CC2D2A: variants seen among roughly 807,000 people sequenced by gnomAD.
The protein encoded by CC2D2A is coiled-coil and C2 domain-containing protein 2A.
In CC2D2A, 155 loss-of-function variants were observed where a neutral mutation model predicts 212.9. The ratio of observed to expected loss-of-function variants is 0.73; its 90% CI spans 0.64 to 0.83. The LOEUF (loss-of-function observed/expected upper bound fraction) is 0.83. Among genes scored for constraint, CC2D2A ranks in the 40% least tolerant of loss-of-function variants. The probability of loss-of-function intolerance (pLI) is 0.00; values close to 1 mark genes in which losing one functional copy is unlikely to be tolerated. For synonymous variants in CC2D2A, 667 were observed against 686.5 expected, an observed-to-expected ratio of 0.97 and a Z score of 0.44; for missense variants, 1,856 against 1,956.2, an observed-to-expected ratio of 0.95 and a Z score of 0.97.
chr4:15,562,418 A>G (rs947644892), intron 23 of CC2D2A, among the ~76,000 whole-genome samples: 2 of 152,250 alleles, frequency 1.3e-5, no homozygotes, highest in Non-Finnish European at 2.9e-5. Context: ...TTGGTCCATG[A>G]ACGTTTCTCC....
At chr4:15,512,419 G>T (rs1241115049) in intron 8 of CC2D2A, among the ~76,000 whole-genome samples, 1 of 152,158 alleles carries the variant, frequency 6.6e-6, no homozygotes, top group Non-Finnish European at 1.5e-5. Context: ...GATATACCTT[G>T]AAGACATTAC....
intron 11 of CC2D2A, among the ~76,000 whole-genome samples, chr4:15,524,617 AT>A (rs1349017673): frequency 2.0e-5 from 3 of 149,024 alleles, no homozygotes; most frequent in East Asian, 4.1e-4. Context: ...CGCTCGGCTA[AT>A]TTTTTTGTAT....
chr4:15,501,020 C>A (rs770982280), intron 4 of CC2D2A, among the ~76,000 whole-genome samples: 4 of 152,060 alleles, frequency 2.6e-5, no homozygotes, highest in Non-Finnish European at 4.4e-5. Flanking sequence ...TCTGACTTCC[C>A]GTCTCGTTTT....
chr4:15,581,256 A>G (rs1456693490), intron 30 of CC2D2A, among the ~76,000 whole-genome samples: 3 of 152,242 alleles, frequency 2.0e-5, no homozygotes, highest in African/African-American at 7.2e-5. Context: ...ATAGAAAACA[A>G]TAATAGGGAC....
chr4:15,573,128 T>C (rs965576981), intron 28 of CC2D2A, among the ~76,000 whole-genome samples: 2 of 11,376 alleles, frequency 1.8e-4, no homozygotes, highest in African/African-American at 1.9e-4. Context: ...CTTTGTATCC[T>C]TCAGTCCAAT....
chr4:15,545,443 C>A (rs1311562414), intron 17 of CC2D2A, among the ~76,000 whole-genome samples: 1 of 152,042 alleles, frequency 6.6e-6, no homozygotes, highest in Non-Finnish European at 1.5e-5. Context: ...GCACATAGGA[C>A]CCTGCCTCAG....
intron 8 of CC2D2A, among the ~76,000 whole-genome samples, chr4:15,513,667 T>C (rs1282238325): frequency 6.6e-6 from 1 of 152,204 alleles, no homozygotes; most frequent in Non-Finnish European, 1.5e-5. Context: ...TTTCGCTAGC[T>C]CCCCTTTTCT....
At chr4:15,516,870 C>T in intron 11 of CC2D2A, 114 bp downstream of exon 11, 1 of 986,578 alleles carries the variant, frequency 1.0e-6, no homozygotes, top group East Asian at 3.0e-5. Context: ...AAATAATTCA[C>T]TATCTTACAC....
chr4:15,518,882 AT>A (rs1423154151), intron 11 of CC2D2A, among the ~76,000 whole-genome samples: 1 of 151,908 alleles, frequency 6.6e-6, no homozygotes, highest in Non-Finnish European at 1.5e-5. Flanking sequence ...CTAAGAAAAC[AT>A]TTTTTTCCTC....
chr4:15,533,502 C>T (rs181617240), intron 14 of CC2D2A, 169 bp downstream of exon 14: 32 of 468,458 alleles, frequency 6.8e-5, no homozygotes, highest in Admixed American at 6.6e-4. Context: ...AAATAACATT[C>T]TCCTCAATCC....
intron 11 of CC2D2A, among the ~76,000 whole-genome samples, chr4:15,517,984 C>G (rs866254645): frequency 3.3e-5 from 5 of 152,114 alleles, no homozygotes; most frequent in Admixed American, 2.0e-4. Flanking sequence ...AGACCCACCC[C>G]CATAATTCAA....
At position 15,580,120 on chromosome 4, in the gene CC2D2A, C is replaced by CCCT; in HGVS notation, c.3929_3931dup (p.Pro1310dup). ...TCACACGTTATCTCAAACCTTTAAA[C>CCCT]CCTCCTCAGGAGCTCCTTAATGTCT... On this transcript the variant is annotated inframe_insertion, in exon 30 of 37. Coordinates refer to ENST00000424120, the MANE Select transcript of CC2D2A (RefSeq NM_001378615.1). The CCCT allele has an allele frequency of 6.2e-7, 1 of 1,613,888 alleles. No individual in the cohort carries two copies. The highest frequency in any genetic ancestry group is 8.5e-7 in the Non-Finnish European group (1 of 1,179,852).
chr4:15,565,405 T>G (rs943031073), intron 24 of CC2D2A, among the ~76,000 whole-genome samples: 9 of 151,902 alleles, frequency 5.9e-5, no homozygotes, highest in African/African-American at 2.2e-4. Flanking sequence ...TACGGTTTTT[T>G]TTTTTTTTTG....
Position 15,502,498 on chromosome 4 carries a change from A to C in CC2D2A, c.317A>C (p.Glu106Ala). The change falls in exon 5 of 37, where the codon GAG becomes GCG. Residue 106 changes from glutamate (E) to alanine (A), a missense_variant. This residue lies in a region of CC2D2A where 1,512 missense variants were observed against 1,579.3 expected (regional missense o/e 0.96). Transcript: ENST00000424120. ...TTTTCCATGAGGGGACGCATGAGGG[A>C]GAAATTGCAAGCAGCGAGGGTGAGA... ...AEFSMRGRMREKLQAARSKAE... is the reference protein window; with the variant it reads ...AEFSMRGRMRAKLQAARSKAE... 6.2e-7 allele frequency: 1 copy of C among 1,605,092 alleles called. No homozygotes were observed. Among genetic ancestry groups the C allele is most frequent in the Non-Finnish European group, 8.5e-7 (1 of 1,177,760 alleles).
At chr4:15,515,817 G>A (rs1716834474) in intron 9 of CC2D2A, 51 bp from the exon 10 acceptor site, 1 of 1,485,008 alleles carries the variant, frequency 6.7e-7, no homozygotes, top group Admixed American at 2.2e-5. Flanking sequence ...TGCAGTTTGA[G>A]ATATTTAGAT....
chr4:15,513,210 G>A (rs1007357975), intron 8 of CC2D2A, among the ~76,000 whole-genome samples: 2 of 152,194 alleles, frequency 1.3e-5, no homozygotes, highest in East Asian at 3.8e-4. Flanking sequence ...AACATTGCTT[G>A]AGTGTCCTCC....
At chr4:15,511,051 A>C (rs1716542100) in intron 7 of CC2D2A, among the ~76,000 whole-genome samples, 196 bp from the exon 8 acceptor site, 1 of 152,232 alleles carries the variant, frequency 6.6e-6, no homozygotes, top group African/African-American at 2.4e-5. Flanking sequence ...AGTTACTATT[A>C]AAGGAGGCCT....
At chr4:15,513,114 C>CT (rs1045040613) in intron 8 of CC2D2A, among the ~76,000 whole-genome samples, 9 of 152,174 alleles carry the variant, frequency 5.9e-5, no homozygotes, top group African/African-American at 2.2e-4. Context: ...CGGAAATGTA[C>CT]TTTTTTTACC....
chr4:15,489,269 G>C (rs1360422455), intron 4 of CC2D2A, among the ~76,000 whole-genome samples: 1 of 152,168 alleles, frequency 6.6e-6, no homozygotes, highest in Non-Finnish European at 1.5e-5. Context: ...CTGGCCTGGG[G>C]TGGGAGGGGA....
Sources: allele counts gnomAD v4.1 joint callset (sites outside exome capture counted in the v4.1 genomes callset), GRCh38; gene constraint gnomAD v4.1.1; regional missense constraint gnomAD v4.1.1; transcripts MANE v1.5; gene names NCBI Gene and HGNC (gene_info 2026-07-23, HGNC 2026-07-21).